Variants in PDE6A observed in about 807,000 individuals in gnomAD.
The protein encoded by PDE6A is rod cGMP-specific 3',5'-cyclic phosphodiesterase subunit alpha.
PDE6A carries 84 observed loss-of-function variants against 106.3 expected under a neutral mutation model. The observed-to-expected ratio is 0.79, with a 90% confidence interval of 0.66 to 0.95. PDE6A has a LOEUF of 0.95. Among genes scored for constraint, PDE6A ranks in the 40% least tolerant of loss-of-function variants. PDE6A has a pLI of 0.00. For missense variants in PDE6A, 1,052 were observed against 1,084.9 expected (o/e 0.97, Z 0.43); for synonymous variants, 394 against 386.6 (o/e 1.02, Z -0.23).
In PDE6A at chr5:149,899,528, CAAGAG is replaced by C. The variant is rs1561737370; in HGVS notation, c.1114-9_1114-5del. 1.9e-6 allele frequency: 3 copies of C among 1,614,010 alleles called. No homozygotes were observed. The highest frequency in any genetic ancestry group is 2.5e-6 in the Non-Finnish European group (3 of 1,179,902). ...CAGACTCATCCAGAGGTTCTTTCTA[CAAGAG>C]AAGGGCTAGATTAGGTTTCCTCTTG... On this transcript the variant is annotated splice_region_variant and splice_polypyrimidine_tract_variant and intron_variant, in intron 8 of 21. Coordinates refer to ENST00000255266, the MANE Select transcript of PDE6A (RefSeq NM_000440.3).
intron 14 of PDE6A, 34 bp downstream of exon 14, chr5:149,886,231 G>A (rs370425142): frequency 4.1e-6 from 6 of 1,450,740 alleles, no homozygotes; most frequent in South Asian, 1.1e-5. Context: ...TAATGAATCC[G>A]GAGGGTTGGG....
intron 13 of PDE6A, among the ~76,000 whole-genome samples, chr5:149,893,677 G>A (rs889962680): frequency 3.9e-5 from 6 of 152,200 alleles, no homozygotes; most frequent in Admixed American, 3.9e-4. Flanking sequence ...AAAAAAGTAA[G>A]TGTCTCACTG....
At chr5:149,864,379 C>T (rs1760250147) in intron 20 of PDE6A, among the ~76,000 whole-genome samples, 1 of 152,124 alleles carries the variant, frequency 6.6e-6, no homozygotes, top group African/African-American at 2.4e-5. Flanking sequence ...GCTGGGATTA[C>T]AGGCATGCAC....
rs1336124081 is a variant in PDE6A, at chr5:149,884,854, G to T, written c.1852C>A (p.Leu618Met). Residue 618 changes from leucine to methionine, a missense_variant, in exon 15 of 22, where the codon CTG (leucine) becomes ATG (methionine). Physicochemically the swap from Leu to Met is conservative, Grantham distance 15. This residue lies in a region of PDE6A where 913 missense variants were observed against 915.2 expected (regional missense o/e 1.00). Coordinates refer to ENST00000255266, the MANE Select transcript of PDE6A (RefSeq NM_000440.3). ...NLYQMKSQNP[L>M]AKLHGSSILE... ...ATAGAGGACCCATGGAGCTTGGCCA[G>T]TGGGTTCTGGGATCTGAATGAGAAA... 1.2e-6 allele frequency: 2 copies of T among 1,613,720 alleles called. No homozygotes were observed. Among genetic ancestry groups the T allele is most frequent in the Non-Finnish European group, 8.5e-7 (1 of 1,179,588 alleles).
At chr5:149,915,689 G>A (rs1753528764) in intron 5 of PDE6A, among the ~76,000 whole-genome samples, 1 of 152,194 alleles carries the variant, frequency 6.6e-6, no homozygotes, top group African/African-American at 2.4e-5. Context: ...GATCACACAA[G>A]TTGGGACATT....
At chr5:149,861,469 C>T (rs1440684044) in intron 21 of PDE6A, among the ~76,000 whole-genome samples, 1 of 152,126 alleles carries the variant, frequency 6.6e-6, no homozygotes, top group Non-Finnish European at 1.5e-5. Flanking sequence ...GGCAACATAG[C>T]AAGACCTGGT....
At chr5:149,934,302 G>A (rs1754125862) in intron 2 of PDE6A, among the ~76,000 whole-genome samples, 1 of 152,238 alleles carries the variant, frequency 6.6e-6, no homozygotes. Context: ...TTACAAATAA[G>A]AAAACCAAAG....
chr5:149,920,237 G>A, intron 5 of PDE6A, among the ~76,000 whole-genome samples: 1 of 152,092 alleles, frequency 6.6e-6, no homozygotes, highest in Admixed American at 6.6e-5. Flanking sequence ...TAAATGCCTA[G>A]AGAGGTTGAT....
In PDE6A at chr5:149,930,973, A is replaced by G. The variant is rs1469026100; in HGVS notation, c.858+55T>C. ...AATGTGTGCCAAGACTCTAGCCGTC[A>G]GTCAGTGTCTGTTTAATCTTTTCTT... On this transcript the variant is annotated intron_variant, in intron 4 of 21. Coordinates refer to ENST00000255266, the MANE Select transcript of PDE6A (RefSeq NM_000440.3). The G allele has an allele frequency of 2.6e-6, 4 of 1,552,588 alleles. No individual in the cohort carries two copies. In the African/African-American group the frequency reaches 4.1e-5, roughly 16 times the overall value.
rs78689296 is a variant in PDE6A, at chr5:149,917,144, A to G, written c.934-2137T>C. Among the ~76,000 whole-genome samples, 1,002 of 150,026 alleles carry G rather than the reference A, an allele frequency of 6.7e-3. 9 individuals are homozygous for G. Among genetic ancestry groups the G allele is most frequent in the African/African-American group, 0.023 (941 of 40,692 alleles). On this transcript the variant is annotated intron_variant, in intron 5 of 21. Coordinates refer to ENST00000255266, the MANE Select transcript of PDE6A (RefSeq NM_000440.3). ...CCAAGTTTATATTTTGTCTGTCTTT[A>G]TACAATTTTGTTTTTCTAGGAATAT...
At chr5:149,874,472 G>A (rs1760668762) in intron 17 of PDE6A, among the ~76,000 whole-genome samples, 1 of 150,902 alleles carries the variant, frequency 6.6e-6, no homozygotes, top group African/African-American at 2.5e-5. Flanking sequence ...AAAGTTATGG[G>A]AGGGGGAATG....
chr5:149,925,416 A>T (rs756098576), intron 4 of PDE6A, among the ~76,000 whole-genome samples: 1 of 152,232 alleles, frequency 6.6e-6, no homozygotes, highest in Non-Finnish European at 1.5e-5. Flanking sequence ...GACACTGTTG[A>T]AGAGAGAGTT....
chr5:149,883,389 A>G (rs1761002497), intron 17 of PDE6A, 40 bp downstream of exon 17: 1 of 1,332,104 alleles, frequency 7.5e-7, no homozygotes, highest in African/African-American at 1.4e-5. Context: ...TCATGATCCT[A>G]AGCCTAAGAG....
chr5:149,899,949 A>T (rs1347391169), intron 8 of PDE6A, among the ~76,000 whole-genome samples: 1 of 152,098 alleles, frequency 6.6e-6, no homozygotes, highest in African/African-American at 2.4e-5. Flanking sequence ...CTGACTTCCT[A>T]TGTTACTTTT....
chr5:149,891,257 G>T (rs1413767565), intron 13 of PDE6A, among the ~76,000 whole-genome samples: 1 of 152,126 alleles, frequency 6.6e-6, no homozygotes, highest in Non-Finnish European at 1.5e-5. Flanking sequence ...ATCACCTGAG[G>T]TCAGGAGTTC....
intron 1 of PDE6A, among the ~76,000 whole-genome samples, chr5:149,940,983 C>T (rs17798027): frequency 0.17 from 26,180 of 152,138 alleles, 2,406 homozygotes; most frequent in South Asian, 0.28. Context: ...GTAAAATGAG[C>T]ACAAAATCAC....
At chr5:149,898,756 G>A (rs1344239829) in intron 9 of PDE6A, among the ~76,000 whole-genome samples, 1 of 152,216 alleles carries the variant, frequency 6.6e-6, no homozygotes, top group Admixed American at 6.5e-5. Context: ...AAAAGAGAAT[G>A]TGTTTTTGCC....
rs1399400694 is a variant in PDE6A, at chr5:149,944,350, C to T, written c.324G>A (p.Leu108=). The change falls in exon 1 of 22, where the codon CTG becomes CTA. Residue 108 remains leucine (L), a synonymous_variant. Coordinates refer to ENST00000255266, the MANE Select transcript of PDE6A (RefSeq NM_000440.3). ...MYRTRNGIAE[L]ATRLFNVHKD... ...TGTGGACATTGAAAAGCCTGGTGGC[C>T]AGCTCTGCGATGCCATTGCGGGTCC... 6.2e-7 allele frequency: 1 copy of T among 1,614,120 alleles called. No homozygotes were observed. Among genetic ancestry groups the T allele is most frequent in the Non-Finnish European group, 8.5e-7 (1 of 1,180,004 alleles).
In PDE6A at chr5:149,896,538, T is replaced by C. The variant is rs1244839927; in HGVS notation, c.1474-36A>G. ...AATAGAGTCAGGTGATTAGGAAACA[T>C]GAAGTGTTTCTGGGTGCCCACCTCC... On this transcript the variant is annotated intron_variant, in intron 11 of 21. Coordinates refer to ENST00000255266, the MANE Select transcript of PDE6A (RefSeq NM_000440.3). The C allele has an allele frequency of 6.8e-6, 11 of 1,614,114 alleles. No individual in the cohort carries two copies. In the South Asian group the frequency reaches 8.8e-5, roughly 13 times the overall value.
Sources: gnomAD v4.1 joint callset for allele counts (sites outside exome capture counted in the v4.1 genomes callset) on GRCh38, gnomAD v4.1.1 for gene constraint, gnomAD v4.1.1 regional missense constraint, MANE v1.5 for transcripts, NCBI Gene and HGNC (gene_info 2026-07-23, HGNC 2026-07-21) for gene names.